Variants in EZH2 observed in about 807,000 individuals in gnomAD.
The protein encoded by EZH2 is histone-lysine N-methyltransferase EZH2.
Under a neutral mutation model 98.4 loss-of-function variants are expected in EZH2, and 18 were observed. That is an observed-to-expected ratio of 0.18 (90% confidence interval 0.13 to 0.27). The LOEUF is 0.27. Among genes scored for constraint, EZH2 ranks in the 10% least tolerant of loss-of-function variants. The pLI is 1.00. For missense variants in EZH2, 470 were observed against 935.1 expected (o/e 0.50, Z 6.49); for synonymous variants, 338 against 312.3 (o/e 1.08, Z -0.87).
intron 19 of EZH2, 84 bp downstream of exon 19, chr7:148,808,987 G>T: frequency 1.8e-6 from 2 of 1,097,138 alleles, no homozygotes; most frequent in Non-Finnish European, 2.7e-6. Context: ...AAGAAGCAAA[G>T]AACTAAAAAC....
chr7:148,816,961 G>T, intron 11 of EZH2, 183 bp from the exon 12 acceptor site: 1 of 597,618 alleles, frequency 1.7e-6, no homozygotes, highest in Non-Finnish European at 2.9e-6. Flanking sequence ...TTCTGGTCAA[G>T]AACTGTGATG....
At chr7:148,862,138 G>A (rs1364924873) in intron 1 of EZH2, among the ~76,000 whole-genome samples, 1 of 152,160 alleles carries the variant, frequency 6.6e-6, no homozygotes, top group East Asian at 1.9e-4. Context: ...GTTAGCAGTG[G>A]TAATTTCTTT....
chr7:148,827,149 G>A lies in EZH2; in HGVS notation c.728+15C>T. ...CCATACAGGGCAAGATTGCCTCAAA[G>A]GAACAAATTCTTACTTTTCCTTTAG... is the stretch of plus-strand genomic sequence containing the variant. On this transcript the variant is annotated intron_variant, in intron 7 of 19. Transcript: ENST00000320356. 6.2e-7 allele frequency: 1 copy of A among 1,602,112 alleles called. No homozygotes were observed. Among genetic ancestry groups the A allele is most frequent in the Non-Finnish European group, 8.5e-7 (1 of 1,173,008 alleles).
chr7:148,832,809 C>A, intron 3 of EZH2, 59 bp from the exon 4 acceptor site: 2 of 1,097,830 alleles, frequency 1.8e-6, no homozygotes, highest in Admixed American at 4.1e-5. Flanking sequence ...TAAGCTGTAG[C>A]CATCATATTG....
intron 4 of EZH2, among the ~76,000 whole-genome samples, chr7:148,830,701 T>C (rs1004744342): frequency 6.6e-6 from 1 of 152,226 alleles, no homozygotes; most frequent in Non-Finnish European, 1.5e-5. Context: ...TGAGTTTTTA[T>C]CAAGCTTTGG....
chr7:148,866,984 G>T (rs1818646099), intron 1 of EZH2, among the ~76,000 whole-genome samples: 1 of 150,104 alleles, frequency 6.7e-6, no homozygotes, highest in Non-Finnish European at 1.5e-5. Context: ...AAAGTGCTGG[G>T]ATTACAGACG....
chr7:148,842,581 T>A (rs542851988), intron 3 of EZH2, among the ~76,000 whole-genome samples: 2 of 152,352 alleles, frequency 1.3e-5, no homozygotes, highest in East Asian at 3.9e-4. Context: ...AGTGTGAAGC[T>A]GGATGCTTCT....
intron 8 of EZH2, among the ~76,000 whole-genome samples, chr7:148,821,512 A>T (rs1050904679): frequency 6.6e-6 from 1 of 152,168 alleles, no homozygotes; most frequent in African/African-American, 2.4e-5. Context: ...TTTTAAAAAG[A>T]ACTAGACAAA....
At chr7:148,851,070 A>G (rs1815635885) in intron 1 of EZH2, among the ~76,000 whole-genome samples, 2 of 152,134 alleles carry the variant, frequency 1.3e-5, no homozygotes, top group South Asian at 4.1e-4. Flanking sequence ...AAACAAGCAA[A>G]CAAACAGGTC....
chr7:148,868,117 A>G (rs1563066121), intron 1 of EZH2, among the ~76,000 whole-genome samples: 1 of 152,164 alleles, frequency 6.6e-6, no homozygotes, highest in Non-Finnish European at 1.5e-5. Flanking sequence ...TGAGCCCTCC[A>G]AACTGTACCA....
chr7:148,820,551 GAA>G (rs778312083), intron 8 of EZH2, among the ~76,000 whole-genome samples: 12 of 123,368 alleles, frequency 9.7e-5, no homozygotes, highest in South Asian at 2.6e-4. Context: ...GAAAAGGAAG[GAA>G]AAAAAAAAAA....
intron 1 of EZH2, among the ~76,000 whole-genome samples, chr7:148,873,516 A>T (rs1160787038): frequency 2.1e-5 from 3 of 140,244 alleles, no homozygotes; most frequent in Non-Finnish European, 4.6e-5. Flanking sequence ...AAAAAGAAAG[A>T]TCATTGTAAG....
At chr7:148,825,654 T>C (rs1212065941) in intron 8 of EZH2, among the ~76,000 whole-genome samples, 3 of 152,102 alleles carry the variant, frequency 2.0e-5, no homozygotes, top group Non-Finnish European at 2.9e-5. Context: ...AACAAAGCAA[T>C]GTGGGGCCGT....
intron 1 of EZH2, among the ~76,000 whole-genome samples, chr7:148,849,439 G>A (rs1815098528): frequency 1.3e-5 from 2 of 152,154 alleles, no homozygotes; most frequent in Admixed American, 1.3e-4. Flanking sequence ...AAAGGACTAA[G>A]GACCTGAAGG....
At position 148,813,067 on chromosome 7, in the gene EZH2, A is replaced by G. The variant is rs892525492; in HGVS notation, c.1851+892T>C. On this transcript the variant is annotated intron_variant, in intron 15 of 19. Coordinates refer to ENST00000320356, the MANE Select transcript of EZH2 (RefSeq NM_004456.5). The stretch of plus-strand genomic sequence containing the variant: ...ACACCCCACATACACACACACACAC[A>G]CACACACACACACACACAGAGCATA... 4.1e-4 allele frequency among the ~76,000 whole-genome samples: 62 copies of G among 152,088 alleles called. 1 individual carries two copies. The East Asian group carries it at 9.8e-3, about 24-fold the overall frequency.
intron 4 of EZH2, 139 bp from the exon 5 acceptor site, chr7:148,829,987 C>A: frequency 3.8e-6 from 2 of 530,248 alleles, no homozygotes; most frequent in Non-Finnish European, 3.0e-6. Flanking sequence ...AGAGCAAACT[C>A]TAAAATTTAT....
chr7:148,870,903 T>C (rs1281939394), intron 1 of EZH2, among the ~76,000 whole-genome samples: 1 of 150,246 alleles, frequency 6.7e-6, no homozygotes, highest in Non-Finnish European at 1.5e-5. Flanking sequence ...CATTCCAGCC[T>C]GGATGACACA....
intron 1 of EZH2, among the ~76,000 whole-genome samples, chr7:148,865,207 T>C (rs910705504): frequency 2.0e-5 from 3 of 151,762 alleles, no homozygotes; most frequent in African/African-American, 7.3e-5. Flanking sequence ...ATGAGATACC[T>C]GTTATTTCAA....
Position 148,817,938 on chromosome 7 carries a change from C to A in EZH2, c.1179G>T (p.Thr393=), listed in dbSNP as rs770102474. The A allele has an allele frequency of 2.2e-5, 36 of 1,614,150 alleles. No individual in the cohort carries two copies. The Admixed American group carries it at 2.3e-4, about 10-fold the overall frequency. Residue 393 remains threonine (T), a synonymous_variant, in exon 10 of 20, where the codon ACG becomes ACT. Transcript: ENST00000320356. ...TDSDREAGTE[T]GGENNDKEEE... is the part of the protein sequence containing the mutation. Reference sequence around the variant, plus strand: ...CTTCTTTATCATTGTTCTCTCCCCCCGTTTCAGTCCCTGCTTCCCTATCAC... The same window carrying A: ...CTTCTTTATCATTGTTCTCTCCCCCAGTTTCAGTCCCTGCTTCCCTATCAC...
Sources: gnomAD v4.1 joint callset for allele counts (sites outside exome capture counted in the v4.1 genomes callset) on GRCh38, gnomAD v4.1.1 for gene constraint, MANE v1.5 for transcripts, NCBI Gene and HGNC (gene_info 2026-07-23, HGNC 2026-07-21) for gene names.